Variants in MYO15B observed in about 807,000 individuals in gnomAD.
MYO15B encodes myosin XVB pseudogene.
Under a neutral mutation model 119.3 loss-of-function variants are expected in MYO15B, and 207 were observed. The ratio of observed to expected loss-of-function variants is 1.73; its 90% CI spans 1.55 to 1.95. MYO15B has a LOEUF of 1.95. Among genes scored for constraint, MYO15B ranks in the 30% most tolerant of loss-of-function variants. The probability of loss-of-function intolerance (pLI) is 0.00; values close to 1 mark genes in which losing one functional copy is unlikely to be tolerated. For synonymous variants in MYO15B, 966 were observed against 498.9 expected, an observed-to-expected ratio of 1.94 and a Z score of -12.48; for missense variants, 2,264 against 1,203.1, an observed-to-expected ratio of 1.88 and a Z score of -13.04.
intron 14 of MYO15B, among the ~76,000 whole-genome samples, chr17:75,600,950 C>A (rs995157140): frequency 2.8e-5 from 4 of 144,196 alleles, no homozygotes; most frequent in Non-Finnish European, 4.5e-5. Context: ...GTCACCCAGG[C>A]TGTAGTGCAA....
At chr17:75,622,530 C>G (rs1287202816) in intron 53 of MYO15B, among the ~76,000 whole-genome samples, 1 of 152,202 alleles carries the variant, frequency 6.6e-6, no homozygotes, top group African/African-American at 2.4e-5. Context: ...CAGGCCACCA[C>G]AGGCCTTGTA....
exon 39 of MYO15B, chr17:75,616,760 G>A (rs930627256): frequency 2.3e-5 from 16 of 702,910 alleles, no homozygotes; most frequent in Admixed American, 1.0e-4. Context: ...CCCGGGCCCC[G>A]TGCCTGTGCC....
chr17:75,604,957 G>C (rs2057529911), intron 19 of MYO15B, among the ~76,000 whole-genome samples: 1 of 151,590 alleles, frequency 6.6e-6, no homozygotes, highest in Non-Finnish European at 1.5e-5. Context: ...GACCAATATA[G>C]AGAAACCCCG....
At chr17:75,591,463 C>T in intron 4 of MYO15B, 138 bp from the exon 5 acceptor site, 1 of 641,744 alleles carries the variant, frequency 1.6e-6, no homozygotes, top group Admixed American at 2.3e-5. Flanking sequence ...TCTCCATGCC[C>T]TGGGACTATC....
At chr17:75,602,434 TC>T in intron 15 of MYO15B, 82 bp from the exon 16 acceptor site, 1 of 702,518 alleles carries the variant, frequency 1.4e-6, no homozygotes, top group Non-Finnish European at 2.6e-6. Flanking sequence ...TAGATTCTTC[TC>T]CTCCATATCC....
At chr17:75,621,031 C>A in exon 50 of MYO15B, 1 of 702,850 alleles carries the variant, frequency 1.4e-6, no homozygotes, top group East Asian at 2.7e-5. Flanking sequence ...GTGATCCCAG[C>A]GCCCTGCCCA....
exon 33 of MYO15B, chr17:75,614,992 G>T: frequency 1.4e-6 from 1 of 703,070 alleles, no homozygotes; most frequent in East Asian, 2.7e-5. Flanking sequence ...CTGAGCAGCC[G>T]CATGAAGGGA....
intron 22 of MYO15B, chr17:75,610,602 G>T: frequency 3.7e-6 from 2 of 543,902 alleles, no homozygotes; most frequent in South Asian, 5.1e-5. Flanking sequence ...AAAGGTCAAT[G>T]CCCACGTGCT....
rs1465223708 is a variant in MYO15B at position 75,589,268 on chromosome 17, AG to A, written c.1215del (p.Trp406GlyfsTer92). The A allele has an allele frequency of 1.3e-5, 5 of 387,158 alleles. No individual in the cohort carries two copies. The highest frequency in any genetic ancestry group is 2.2e-5 in the Non-Finnish European group (5 of 222,336). The allele number at this position is 387,158 out of a possible 1,614,324, so 24.0% of individuals were successfully genotyped here. ...CAGGGTACCGGGCCACGGGCGAGCG[AG>A]GGGTGGGGCCGCCGGAAACCGGACG... On this transcript the variant is annotated frameshift_variant, in exon 1 of 64. Transcript: ENST00000645453. LOFTEE classifies it high-confidence loss of function. The surrounding 1 kb of genome is among the most constrained non-coding windows in gnomAD (Gnocchi z 4.2).
intron 21 of MYO15B, chr17:75,607,085 C>A: frequency 2.5e-6 from 1 of 397,198 alleles, no homozygotes; most frequent in Non-Finnish European, 4.4e-6. Flanking sequence ...AGCCAGTGAT[C>A]TTCCCAGAGA....
chr17:75,596,852 C>T, exon 14 of MYO15B: 3 of 702,982 alleles, frequency 4.3e-6, no homozygotes, highest in Non-Finnish European at 5.2e-6. Flanking sequence ...GGTAGATCAG[C>T]CCCACAGCCT....
At chr17:75,593,052 A>C in intron 9 of MYO15B, 1 of 520,130 alleles carries the variant, frequency 1.9e-6, no homozygotes, top group Non-Finnish European at 3.4e-6. Context: ...ACCCCTAAGA[A>C]CATCTGGCAT....
At chr17:75,593,197 T>TA (rs5822094) in intron 9 of MYO15B, among the ~76,000 whole-genome samples, 1,991 of 74,208 alleles carry the variant, frequency 0.027, 66 homozygotes, top group African/African-American at 0.075. Flanking sequence ...CCGTCTCTAT[T>TA]AAAAAAAAAA....
chr17:75,589,540 C>T lies in MYO15B; in HGVS notation c.1483C>T (p.His495Tyr). 1 of 398,718 alleles carries T rather than the reference C, an allele frequency of 2.5e-6. No individual in the cohort carries two copies. Among genetic ancestry groups the T allele is most frequent in the Non-Finnish European group, 4.4e-6 (1 of 226,126 alleles). The allele number at this position is 398,718 out of a possible 1,614,324, so 24.7% of individuals were successfully genotyped here. Reference sequence around the variant, plus strand: ...GTGGGGCCGTGAGCCCGGGCTGCGGCACCGTCTAGCGTTGCGCCTGGCTGG... The same window carrying T: ...GTGGGGCCGTGAGCCCGGGCTGCGGTACCGTCTAGCGTTGCGCCTGGCTGG... The change falls in exon 1 of 64, where the codon CAC becomes TAC. Residue 495 changes from histidine (H) to tyrosine (Y), a missense_variant. Coordinates refer to ENST00000645453, the Ensembl canonical transcript of MYO15B. This position sits in a 1 kb window ranked among gnomAD's most constrained non-coding sequence, Gnocchi z 4.2.
In MYO15B at chr17:75,617,315, A is replaced by C. The variant is rs1458516955; in HGVS notation, c.6814+11A>C. On this transcript the variant is annotated intron_variant, in intron 41 of 63. Transcript: ENST00000645453. ...CAGCAGAGCGTCGTTGTAAGGAACCACATTTCTCCTGCGCCGTGGGCTTCA... is the reference window on the plus strand; with the variant it reads ...CAGCAGAGCGTCGTTGTAAGGAACCCCATTTCTCCTGCGCCGTGGGCTTCA... 3.2e-6 allele frequency: 2 copies of C among 621,664 alleles called. No individual in the cohort carries two copies. The highest frequency in any genetic ancestry group is 1.9e-5 in the African/African-American group (1 of 54,052). The allele number at this position is 621,664 out of a possible 1,614,324, so 38.5% of individuals were successfully genotyped here.
intron 23 of MYO15B, 43 bp from the exon 24 acceptor site, chr17:75,611,558 G>A (rs1398869061): frequency 2.8e-6 from 2 of 702,286 alleles, no homozygotes; most frequent in South Asian, 3.0e-5. Flanking sequence ...CTGGTCCCTA[G>A]GCCCCTCCTG....
At chr17:75,616,995 T>C (rs922165504) in intron 40 of MYO15B, 34 bp downstream of exon 40, 6 of 702,572 alleles carry the variant, frequency 8.5e-6, no homozygotes, top group African/African-American at 1.7e-5. Flanking sequence ...CCAGAGTGTG[T>C]GCTGCTGCAC....
In MYO15B at chr17:75,623,868, G is replaced by C. The variant is rs921426364; in HGVS notation, c.8156+14G>C. On this transcript the variant is annotated intron_variant, in intron 54 of 63. Transcript: ENST00000645453. Reference sequence around the variant, plus strand: ...ACACCCCCGGCCGTGAGTGGGGACCGGTGGCTTCTGGGGGTGGCTTCTGGG... The same window carrying C: ...ACACCCCCGGCCGTGAGTGGGGACCCGTGGCTTCTGGGGGTGGCTTCTGGG... 1.8e-6 allele frequency: 1 copy of C among 549,978 alleles called. No individual in the cohort carries two copies. The highest frequency in any genetic ancestry group is 3.2e-6 in the Non-Finnish European group (1 of 315,416). 34.1% of individuals were successfully genotyped at this position (549,978 alleles called of 1,614,324 possible). A position where few individuals can be genotyped will look rare whatever the true frequency, so the allele number is the denominator to read the frequency against.
chr17:75,616,126 C>T (rs956445570), exon 37 of MYO15B: 13 of 560,702 alleles, frequency 2.3e-5, no homozygotes, highest in Non-Finnish European at 3.5e-5. Context: ...CCAGCAGAAA[C>T]GGAACTATTT....
Sources: allele counts gnomAD v4.1 joint callset (sites outside exome capture counted in the v4.1 genomes callset), GRCh38; gene constraint gnomAD v4.1.1; non-coding constraint Gnocchi (gnomAD v3.1); transcripts MANE v1.5; gene names NCBI Gene and HGNC (gene_info 2026-07-23, HGNC 2026-07-21).